The following PLCL2 variants were observed in gnomAD, a reference collection of about 807,000 sequenced individuals.
PLCL2 encodes the protein phospholipase C like 2.
Under a neutral mutation model 79.6 loss-of-function variants are expected in PLCL2, and 4 were observed. The ratio of observed to expected loss-of-function variants is 0.05; its 90% CI spans 0.02 to 0.11. The LOEUF is 0.11. Among genes scored for constraint, PLCL2 ranks in the 10% least tolerant of loss-of-function variants. PLCL2 has a pLI of 1.00. For synonymous variants in PLCL2, 484 were observed against 457.7 expected (o/e 1.06, Z -0.73); for missense variants, 895 against 1,291.0 (o/e 0.69, Z 4.70).
At chr3:17,047,044 C>T (rs1259873043) in intron 4 of PLCL2, among the ~76,000 whole-genome samples, 1 of 152,092 alleles carries the variant, frequency 6.6e-6, no homozygotes, top group South Asian at 2.1e-4. Context: ...GAAATATGAA[C>T]ATAAATACTA....
intron 1 of PLCL2, among the ~76,000 whole-genome samples, chr3:16,894,933 T>C (rs2124916552): frequency 6.6e-6 from 1 of 152,182 alleles, no homozygotes; most frequent in East Asian, 1.9e-4. Context: ...GGATATCGCT[T>C]AGATTTTTAT....
At chr3:16,902,481 A>G (rs1264595491) in intron 1 of PLCL2, among the ~76,000 whole-genome samples, 1 of 152,216 alleles carries the variant, frequency 6.6e-6, no homozygotes, top group Non-Finnish European at 1.5e-5. Flanking sequence ...TAGCAAGAAC[A>G]TGGGCTGAAC....
At position 17,010,114 on chromosome 3, in the gene PLCL2, A is replaced by C. The variant is rs542360465; in HGVS notation, c.768A>C (p.Thr256=). ...LRYLISYGKH[T]LDMLESSQDN... ...ACCTAATTTCTTATGGAAAACATAC[A>C]CTTGATATGTTAGAAAGTAGCCAAG... Residue 256 remains threonine, a synonymous_variant, in exon 2 of 6, where the codon ACA becomes ACC. Coordinates refer to ENST00000615277, the MANE Select transcript of PLCL2 (RefSeq NM_001144382.2). The surrounding 1 kb of genome is among the most constrained non-coding windows in gnomAD (Gnocchi z 5.8). 6.2e-7 allele frequency: 1 copy of C among 1,613,968 alleles called. No individual in the cohort carries two copies. Among genetic ancestry groups the C allele is most frequent in the African/African-American group, 1.3e-5 (1 of 74,930 alleles).
intron 1 of PLCL2, among the ~76,000 whole-genome samples, chr3:16,955,497 A>T (rs1460780128): frequency 1.1e-4 from 16 of 152,166 alleles, no homozygotes; most frequent in Middle Eastern, 3.4e-3. Context: ...CTTAGGATTG[A>T]CTTGGCAATG....
chr3:17,042,273 G>T (rs1210479494), intron 3 of PLCL2, among the ~76,000 whole-genome samples: 1 of 151,990 alleles, frequency 6.6e-6, no homozygotes, highest in Non-Finnish European at 1.5e-5. Context: ...TCAAGCTTGG[G>T]CTCTTAAAAC....
chr3:16,995,756 T>C (rs897464616), intron 1 of PLCL2, among the ~76,000 whole-genome samples: 1 of 152,250 alleles, frequency 6.6e-6, no homozygotes, highest in Admixed American at 6.5e-5. Flanking sequence ...GACAACTCTA[T>C]GTGTAATGTG....
intron 1 of PLCL2, among the ~76,000 whole-genome samples, chr3:16,972,600 G>A (rs1011939095): frequency 5.3e-5 from 8 of 152,214 alleles, no homozygotes; most frequent in Non-Finnish European, 8.8e-5. Flanking sequence ...CAGTGTTGAA[G>A]TCTCCCACTA....
chr3:16,889,396 T>C (rs1448170806), intron 1 of PLCL2, among the ~76,000 whole-genome samples: 1 of 152,162 alleles, frequency 6.6e-6, no homozygotes, highest in Non-Finnish European at 1.5e-5. Context: ...ATGTAGGAGA[T>C]ATTGGAAGAA....
intron 3 of PLCL2, among the ~76,000 whole-genome samples, chr3:17,029,550 C>T (rs1220426310): frequency 2.0e-5 from 3 of 152,010 alleles, no homozygotes; most frequent in Non-Finnish European, 4.4e-5. Context: ...GCTCATAAAT[C>T]AATTGTTACA....
intron 3 of PLCL2, among the ~76,000 whole-genome samples, chr3:17,019,123 C>T (rs935450287): frequency 3.3e-5 from 5 of 152,118 alleles, no homozygotes; most frequent in African/African-American, 7.2e-5. Flanking sequence ...AGTGAAACAT[C>T]GGCCTTGAAC....
intron 3 of PLCL2, among the ~76,000 whole-genome samples, chr3:17,036,344 A>G (rs1011282013): frequency 5.3e-5 from 8 of 152,330 alleles, no homozygotes; most frequent in African/African-American, 1.7e-4. Context: ...GTATTTTCCA[A>G]CAATAACTTT....
chr3:17,047,384 A>G (rs2064792003), intron 4 of PLCL2, among the ~76,000 whole-genome samples: 1 of 47,034 alleles, frequency 2.1e-5, no homozygotes, highest in Non-Finnish European at 3.9e-5. Context: ...GGATGAGAGC[A>G]GGAGAATCTG....
chr3:17,087,435 G>A (rs2065232027), intron 5 of PLCL2, among the ~76,000 whole-genome samples: 1 of 152,232 alleles, frequency 6.6e-6, no homozygotes. Flanking sequence ...TTTCCAACTA[G>A]ACGACATTGT....
rs2064676556 is a variant in PLCL2 at position 17,038,099 on chromosome 3, G to A, written c.3019-4775G>A. The stretch of plus-strand genomic sequence containing the variant: ...ACTTTGCCTTTAGTTAAAATTTCCT[G>A]CTTTTCATCTGCTCAAATTCTACAT... On this transcript the variant is annotated intron_variant, in intron 3 of 5. Coordinates refer to ENST00000615277, the MANE Select transcript of PLCL2 (RefSeq NM_001144382.2). Among the ~76,000 whole-genome samples the A allele has an allele frequency of 2.6e-5, 4 of 151,980 alleles. No homozygotes were observed. In the South Asian group the frequency reaches 8.3e-4, roughly 32 times the overall value.
intron 1 of PLCL2, among the ~76,000 whole-genome samples, chr3:16,941,079 T>C (rs1697669750): frequency 6.6e-6 from 1 of 152,226 alleles, no homozygotes; most frequent in Non-Finnish European, 1.5e-5. Flanking sequence ...TTTGGCCTTT[T>C]CCTACTACTA....
At chr3:16,980,067 G>A (rs1189302238) in intron 1 of PLCL2, among the ~76,000 whole-genome samples, 2 of 99,284 alleles carry the variant, frequency 2.0e-5, no homozygotes, top group Admixed American at 1.1e-4. Context: ...CCTCACCTCC[G>A]GGACGGGGCG....
chr3:17,026,884 A>G (rs1190712298), intron 3 of PLCL2, among the ~76,000 whole-genome samples: 3 of 152,070 alleles, frequency 2.0e-5, no homozygotes, highest in African/African-American at 7.2e-5. Context: ...AAATAAATAA[A>G]TAGATCGTTT....
intron 3 of PLCL2, among the ~76,000 whole-genome samples, chr3:17,023,589 G>A (rs1024161169): frequency 2.0e-5 from 3 of 152,118 alleles, no homozygotes; most frequent in Admixed American, 2.0e-4. Flanking sequence ...TGCCATGATT[G>A]TGAGACCTCC....
intron 1 of PLCL2, among the ~76,000 whole-genome samples, chr3:16,958,027 C>T (rs1205054107): frequency 1.3e-5 from 2 of 152,146 alleles, no homozygotes; most frequent in Non-Finnish European, 2.9e-5. Flanking sequence ...AGTCCATTTA[C>T]ATTTAAAGTT....
Sources: allele counts gnomAD v4.1 joint callset (sites outside exome capture counted in the v4.1 genomes callset), GRCh38; gene constraint gnomAD v4.1.1; non-coding constraint Gnocchi (gnomAD v3.1); transcripts MANE v1.5; gene names NCBI Gene and HGNC (gene_info 2026-07-23, HGNC 2026-07-21).